Variants in ZNF595 observed in about 807,000 individuals in gnomAD.
The protein encoded by ZNF595 is zinc finger protein 595.
In ZNF595, 9 loss-of-function variants were observed where a neutral mutation model predicts 19.4. The ratio of observed to expected loss-of-function variants is 0.46; its 90% CI spans 0.28 to 0.81. The LOEUF (loss-of-function observed/expected upper bound fraction) is 0.81. ZNF595 is among the 30% of genes least tolerant of loss of function. The pLI is 0.11. For missense variants in ZNF595, 729 were observed against 736.0 expected, an observed-to-expected ratio of 0.99 and a Z score of 0.11; for synonymous variants, 255 against 255.9, an observed-to-expected ratio of 1.00 and a Z score of 0.03.
rs559078779 is a variant in ZNF595, at chr4:81,855, TA to T, written c.227-3875del. ...AGATTTATCTTTATTATACTTGTGA[TA>T]TTTTTTGCTTTTTACAAGGTGGAGT... On this transcript the variant is annotated intron_variant, in intron 3 of 3. Transcript: ENST00000610261. Among the ~76,000 whole-genome samples the T allele has an allele frequency of 2.6e-4, 39 of 152,332 alleles. No homozygotes were observed. The South Asian group carries it at 7.9e-3, about 31-fold the overall frequency.
At chr4:79,376 G>A (rs1472991538) in intron 3 of ZNF595, among the ~76,000 whole-genome samples, 3 of 152,148 alleles carry the variant, frequency 2.0e-5, no homozygotes, top group African/African-American at 7.2e-5. Flanking sequence ...TCCAGGAATT[G>A]TCTTTTGTAA....
intron 3 of ZNF595, among the ~76,000 whole-genome samples, chr4:79,030 ATTTAC>A (rs1452232376): frequency 6.6e-6 from 1 of 152,192 alleles, no homozygotes; most frequent in Admixed American, 6.5e-5. Context: ...TGTTAAGTAC[ATTTAC>A]TTTATTTTGC....
At chr4:84,431 G>A (rs1714049491) in intron 3 of ZNF595, among the ~76,000 whole-genome samples, 1 of 152,086 alleles carries the variant, frequency 6.6e-6, no homozygotes, top group African/African-American at 2.4e-5. Flanking sequence ...TGGTTATCTT[G>A]AAAGAGCTTT....
rs367545746 is a variant in ZNF595, at chr4:86,512, C to T, written c.1008C>T (p.Gly336=). ...ATGAACATAAAAATATTCATACTGGCGAAAAACCCTACACATGTGAAAAAT... is the reference window on the plus strand; with the variant it reads ...ATGAACATAAAAATATTCATACTGGTGAAAAACCCTACACATGTGAAAAAT... The part of the protein sequence containing the change: ...SLNEHKNIHT[G]EKPYTCEKCG... The change falls in exon 4 of 4, where the codon GGC becomes GGT. Residue 336 remains glycine (G), a synonymous_variant. Coordinates refer to ENST00000610261, the MANE Select transcript of ZNF595 (RefSeq NM_182524.4). The T allele has an allele frequency of 4.6e-5, 74 of 1,608,752 alleles. No individual in the cohort carries two copies. The highest frequency in any genetic ancestry group is 2.0e-4 in the East Asian group (9 of 44,452).
chr4:72,085 G>T (rs552796114), intron 3 of ZNF595, among the ~76,000 whole-genome samples: 1 of 152,094 alleles, frequency 6.6e-6, no homozygotes, highest in Non-Finnish European at 1.5e-5. Context: ...CACTCCCTGG[G>T]TTTGTCATCT....
intron 3 of ZNF595, among the ~76,000 whole-genome samples, chr4:61,293 C>G (rs1712851866): frequency 6.6e-6 from 1 of 152,308 alleles, no homozygotes; most frequent in Non-Finnish European, 1.5e-5. Flanking sequence ...GCCTCAGCCT[C>G]CTGAGTAGCT....
chr4:70,512 A>G (rs959352014), intron 3 of ZNF595, among the ~76,000 whole-genome samples: 2 of 151,814 alleles, frequency 1.3e-5, no homozygotes, highest in African/African-American at 2.4e-5. Context: ...TAATTTTTGT[A>G]TTTTTAGTAG....
intron 3 of ZNF595, among the ~76,000 whole-genome samples, chr4:75,373 G>C (rs1713613133): frequency 6.6e-6 from 1 of 152,182 alleles, no homozygotes; most frequent in Non-Finnish European, 1.5e-5. Context: ...GAAGGCTTGA[G>C]GATGACAGAA....
intron 3 of ZNF595, among the ~76,000 whole-genome samples, chr4:78,493 C>T (rs1713766762): frequency 6.6e-6 from 1 of 152,018 alleles, no homozygotes; most frequent in Non-Finnish European, 1.5e-5. Context: ...AAATATTGCC[C>T]CTACTTTGTT....
Position 87,324 on chromosome 4 carries a change from T to A in ZNF595, c.1820T>A (p.Leu607His), listed in dbSNP as rs1714265488. The part of the protein sequence containing the change: ...CGKAFNWSSS[L>H]TKHKIIHTGE... Reference sequence around the variant, plus strand: ...AAAGCCTTCAATTGGTCCTCATCCCTTACTAAACATAAGATAATTCATACT... The same window carrying A: ...AAAGCCTTCAATTGGTCCTCATCCCATACTAAACATAAGATAATTCATACT... Residue 607 changes from leucine (L) to histidine (H), a missense_variant, in exon 4 of 4, where the codon CTT (leucine) becomes CAT (histidine). This residue lies in a region of ZNF595 where 729 missense variants were observed against 675.3 expected (regional missense o/e 1.08). Coordinates refer to ENST00000610261, the MANE Select transcript of ZNF595 (RefSeq NM_182524.4). 6.2e-7 allele frequency: 1 copy of A among 1,613,302 alleles called. No individual in the cohort carries two copies. The highest frequency in any genetic ancestry group is 8.5e-7 in the Non-Finnish European group (1 of 1,179,788).
At chr4:75,005 T>G (rs1166103774) in intron 3 of ZNF595, among the ~76,000 whole-genome samples, 1 of 152,198 alleles carries the variant, frequency 6.6e-6, no homozygotes, top group Non-Finnish European at 1.5e-5. Context: ...TATTACCATA[T>G]AGTGAAGATC....
At chr4:73,440 G>T (rs541626736) in intron 3 of ZNF595, among the ~76,000 whole-genome samples, 4 of 152,296 alleles carry the variant, frequency 2.6e-5, no homozygotes, top group African/African-American at 9.6e-5. Context: ...TGGTTAACAA[G>T]TATTCTGTTC....
chr4:86,831 A>T lies in ZNF595; in HGVS notation c.1327A>T (p.Lys443Ter). ...CCAATCCTCAACTCTTATATTACAC[A>T]AGAGAATCCATTCTGGGCAAAAACC... ...FNQSSTLILH[K>*]RIHSGQKPYK... Residue 443 changes from lysine to a stop codon, truncating the protein, a stop_gained, in exon 4 of 4, where the codon AAG becomes TAG. Coordinates refer to ENST00000610261, the MANE Select transcript of ZNF595 (RefSeq NM_182524.4). LOFTEE classifies it high-confidence loss of function. 6.2e-7 allele frequency: 1 copy of T among 1,613,874 alleles called. No individual in the cohort carries two copies.
chr4:69,333 G>C (rs1713334883), intron 3 of ZNF595, among the ~76,000 whole-genome samples: 2 of 152,164 alleles, frequency 1.3e-5, no homozygotes. Flanking sequence ...GTGCTCCATA[G>C]TGGTTGGACT....
rs370739143 is a variant in ZNF595 at position 85,753 on chromosome 4, A to T, written c.249A>T (p.Gln83His). ...CAGCTATATGTTCTCCTTTCAGCCA[A>T]GACCTTTCACCAGTGCAGGGGATAG... Reference protein sequence around the residue: ...KPPAICSPFSQDLSPVQGIED... With the variant: ...KPPAICSPFSHDLSPVQGIED... The change falls in exon 4 of 4, where the codon CAA (glutamine) becomes CAT (histidine). Residue 83 changes from glutamine to histidine, a missense_variant. Physicochemically the swap from Gln to His is conservative, Grantham distance 24. Around this residue, in one of 2 missense-constraint regions of ZNF595, gnomAD observed 729 missense variants for 675.3 expected, o/e 1.08. Transcript: ENST00000610261. 20 of 1,586,046 alleles carry T rather than the reference A, an allele frequency of 1.3e-5. No individual in the cohort carries two copies. The highest frequency in any genetic ancestry group is 1.6e-5 in the Non-Finnish European group (19 of 1,166,182).
At chr4:71,961 T>C (rs1255097594) in intron 3 of ZNF595, among the ~76,000 whole-genome samples, 5 of 152,080 alleles carry the variant, frequency 3.3e-5, no homozygotes, top group Non-Finnish European at 7.4e-5. Context: ...GCAGAGGCCC[T>C]TGGGAGGGTG....
In ZNF595 at chr4:86,562, C is replaced by G. The variant is rs1321139842; in HGVS notation, c.1058C>G (p.Ser353Ter). Residue 353 changes from serine (S) to a stop codon, truncating the protein, a stop_gained, in exon 4 of 4, where the codon TCA becomes TGA. Coordinates refer to ENST00000610261, the MANE Select transcript of ZNF595 (RefSeq NM_182524.4). LOFTEE classifies it high-confidence loss of function. ...TGTGGCAAAGCTTTTAACCAATCCT[C>G]AAGTCTTATTATACACAGGAGCATT... Reference protein sequence around the residue: ...EKCGKAFNQSSSLIIHRSIHS... With the variant: ...EKCGKAFNQS 1.2e-6 allele frequency: 2 copies of G among 1,613,710 alleles called. No individual in the cohort carries two copies. The highest frequency in any genetic ancestry group is 1.7e-6 in the Non-Finnish European group (2 of 1,179,840).
intron 3 of ZNF595, among the ~76,000 whole-genome samples, chr4:74,706 G>A (rs1158967395): frequency 1.3e-5 from 2 of 152,128 alleles, no homozygotes; most frequent in Non-Finnish European, 2.9e-5. Context: ...AGTGAGGAGG[G>A]GGCTTCCAGG....
intron 3 of ZNF595, among the ~76,000 whole-genome samples, chr4:70,820 G>A (rs1459729081): frequency 1.3e-5 from 2 of 152,014 alleles, no homozygotes; most frequent in African/African-American, 4.8e-5. Flanking sequence ...CAGTGACTTT[G>A]GCTATTCTGA....
Sources: gnomAD v4.1 joint callset for allele counts (sites outside exome capture counted in the v4.1 genomes callset) on GRCh38, gnomAD v4.1.1 for gene constraint, gnomAD v4.1.1 regional missense constraint, MANE v1.5 for transcripts, NCBI Gene and HGNC (gene_info 2026-07-23, HGNC 2026-07-21) for gene names.